Variants in AKAP12 observed in about 807,000 individuals in gnomAD.
AKAP12 encodes A-kinase anchor protein 12.
AKAP12 carries 32 observed loss-of-function variants against 79.9 expected under a neutral mutation model. The ratio of observed to expected loss-of-function variants is 0.40; its 90% CI spans 0.30 to 0.54. The LOEUF is 0.54. Ranked by LOEUF, AKAP12 falls within the 20% of genes least tolerant of loss-of-function variation. The pLI, the probability that AKAP12 is intolerant of heterozygous loss-of-function variation, is 0.48. For missense variants in AKAP12, 2,074 were observed against 2,177.0 expected (o/e 0.95, Z 0.94); for synonymous variants, 808 against 857.0 (o/e 0.94, Z 1.00).
At chr6:151,312,938 G>C (rs1403585285) in intron 3 of AKAP12, among the ~76,000 whole-genome samples, 1 of 152,156 alleles carries the variant, frequency 6.6e-6, no homozygotes, top group East Asian at 1.9e-4. Flanking sequence ...CTGGAACAGA[G>C]GTAGCGCTCA....
intron 3 of AKAP12, among the ~76,000 whole-genome samples, chr6:151,345,934 A>T (rs12201662): frequency 0.033 from 3,465 of 106,612 alleles, 44 homozygotes; most frequent in African/African-American, 0.076. Context: ...TGTGTGTGTG[A>T]GAGAGAGAGA....
chr6:151,260,046 G>A (rs1797393368), intron 2 of AKAP12, among the ~76,000 whole-genome samples: 1 of 152,074 alleles, frequency 6.6e-6, no homozygotes, highest in Non-Finnish European at 1.5e-5. Context: ...TTACAAGGTT[G>A]AAACTTGTAG....
chr6:151,254,540 C>T (rs182184951), intron 2 of AKAP12, among the ~76,000 whole-genome samples: 20 of 152,084 alleles, frequency 1.3e-4, no homozygotes, highest in Non-Finnish European at 2.5e-4. Flanking sequence ...TAGTAGAGAC[C>T]GGGTTTCGCC....
At chr6:151,313,751 G>A (rs974761812) in intron 3 of AKAP12, among the ~76,000 whole-genome samples, 8 of 152,138 alleles carry the variant, frequency 5.3e-5, no homozygotes, top group East Asian at 1.9e-4. Context: ...ATTCTAGGGC[G>A]CTAGACACGG....
chr6:151,242,781 A>C (rs1183844174), intron 2 of AKAP12, among the ~76,000 whole-genome samples: 1 of 152,212 alleles, frequency 6.6e-6, no homozygotes, highest in Non-Finnish European at 1.5e-5. Context: ...TCGCAGGGGC[A>C]GGGAACACGC....
At chr6:151,341,277 C>T (rs1777938384) in intron 3 of AKAP12, among the ~76,000 whole-genome samples, 1 of 152,186 alleles carries the variant, frequency 6.6e-6, no homozygotes, top group Non-Finnish European at 1.5e-5. Context: ...TGGTCTCTAA[C>T]TCCTGATCTC....
At chr6:151,326,687 C>T (rs909737776) in intron 3 of AKAP12, among the ~76,000 whole-genome samples, 10 of 152,044 alleles carry the variant, frequency 6.6e-5, no homozygotes, top group African/African-American at 2.4e-4. Flanking sequence ...TGTGGCCTAA[C>T]CTGCGTATTT....
chr6:151,350,029 G>A lies in AKAP12; in HGVS notation c.1638G>A (p.Glu546=). The change falls in exon 4 of 5, where the codon GAG becomes GAA. Residue 546 remains glutamate, a synonymous_variant. Transcript: ENST00000402676. This position sits in a 1 kb window ranked among gnomAD's most constrained non-coding sequence, Gnocchi z 4.8. ...GAGGAGGAGACGAGGAATCAGGGGAGCACACTCAGGTTCCAGCCGATTCTC... is the reference window on the plus strand; with the variant it reads ...GAGGAGGAGACGAGGAATCAGGGGAACACACTCAGGTTCCAGCCGATTCTC... ...KRGGGDEESG[E]HTQVPADSPD... The A allele has an allele frequency of 6.2e-7, 1 of 1,614,074 alleles. No individual in the cohort carries two copies. Among genetic ancestry groups the A allele is most frequent in the Non-Finnish European group, 8.5e-7 (1 of 1,180,022 alleles).
At chr6:151,281,986 C>T (rs1776418960) in intron 2 of AKAP12, among the ~76,000 whole-genome samples, 2 of 152,066 alleles carry the variant, frequency 1.3e-5, no homozygotes, top group Admixed American at 1.3e-4. Context: ...GCGTGACCCA[C>T]CAAGTGCAGT....
At chr6:151,302,404 C>T (rs1477303805) in intron 2 of AKAP12, among the ~76,000 whole-genome samples, 1 of 152,256 alleles carries the variant, frequency 6.6e-6, no homozygotes, top group African/African-American at 2.4e-5. Flanking sequence ...AAGCAATCCT[C>T]CTGCCTCAGT....
intron 2 of AKAP12, among the ~76,000 whole-genome samples, chr6:151,278,731 G>A (rs966757587): frequency 1.3e-5 from 2 of 151,432 alleles, no homozygotes; most frequent in Non-Finnish European, 1.5e-5. Flanking sequence ...GCAGTGGCGC[G>A]ATCTCCGCTC....
intron 2 of AKAP12, among the ~76,000 whole-genome samples, chr6:151,277,645 C>T (rs1776311466): frequency 2.0e-5 from 3 of 152,152 alleles, no homozygotes; most frequent in African/African-American, 7.2e-5. Flanking sequence ...CTCTTGCCTC[C>T]TATTTTGTAT....
chr6:151,280,475 T>C (rs895923032), intron 2 of AKAP12: 3 of 152,116 alleles, frequency 2.0e-5, no homozygotes, highest in Non-Finnish European at 2.9e-5. Flanking sequence ...ATATGCTTAA[T>C]GCATTCAGCT....
chr6:151,285,908 G>A (rs572774243), intron 2 of AKAP12, among the ~76,000 whole-genome samples: 1 of 139,968 alleles, frequency 7.1e-6, no homozygotes, highest in Admixed American at 7.2e-5. Flanking sequence ...ACGGAATTTT[G>A]CGCTTATCAC....
intron 3 of AKAP12, among the ~76,000 whole-genome samples, chr6:151,334,869 C>T (rs1251624505): frequency 6.6e-6 from 1 of 151,984 alleles, no homozygotes; most frequent in Non-Finnish European, 1.5e-5. Flanking sequence ...GTGATCTGCC[C>T]GCCTCGGCCT....
At chr6:151,257,648 C>T (rs761569450) in intron 2 of AKAP12, among the ~76,000 whole-genome samples, 10 of 152,292 alleles carry the variant, frequency 6.6e-5, no homozygotes, top group South Asian at 6.2e-4. Context: ...CTGTTCCTGG[C>T]TTAATTCGCA....
At chr6:151,328,950 T>C (rs79023417) in intron 3 of AKAP12, among the ~76,000 whole-genome samples, 2,973 of 152,140 alleles carry the variant, frequency 0.02, 92 homozygotes, top group African/African-American at 0.068. Context: ...GCAGTGGAAA[T>C]TGAATTATGA....
chr6:151,312,002 T>C (rs1777116233), intron 3 of AKAP12, among the ~76,000 whole-genome samples: 1 of 152,212 alleles, frequency 6.6e-6, no homozygotes, highest in Non-Finnish European at 1.5e-5. Flanking sequence ...AGAAGGAATA[T>C]TTTTATGATT....
chr6:151,351,807 G>T lies in AKAP12; in HGVS notation c.3416G>T (p.Cys1139Phe). 1 of 1,614,074 alleles carries T rather than the reference G, an allele frequency of 6.2e-7. No homozygotes were observed. The highest frequency in any genetic ancestry group is 8.5e-7 in the Non-Finnish European group (1 of 1,180,018). The stretch of plus-strand genomic sequence containing the variant: ...GAGTCCAGTGAGCTTGTAACCACTT[G>T]TCAAGCCGAAACCTTAGCTGGGGTA... ...SIESSELVTT[C>F]QAETLAGVKS... Residue 1139 changes from cysteine (C) to phenylalanine (F), a missense_variant, in exon 4 of 5, where the codon TGT (cysteine) becomes TTT (phenylalanine). Transcript: ENST00000402676. This position sits in a 1 kb window ranked among gnomAD's most constrained non-coding sequence, Gnocchi z 4.4.
Sources: gnomAD v4.1 joint callset for allele counts (sites outside exome capture counted in the v4.1 genomes callset) on GRCh38, gnomAD v4.1.1 for gene constraint, Gnocchi (gnomAD v3.1) non-coding constraint, MANE v1.5 for transcripts, NCBI Gene and HGNC (gene_info 2026-07-23, HGNC 2026-07-21) for gene names.